GLYR1: variants seen among roughly 807,000 people sequenced by gnomAD.
GLYR1 encodes the protein cytokine-like nuclear factor N-PAC.
Under a neutral mutation model 72.7 loss-of-function variants are expected in GLYR1, and 21 were observed. That is an observed-to-expected ratio of 0.29 (90% CI 0.20 to 0.42). The LOEUF (loss-of-function observed/expected upper bound fraction) is 0.42. Among genes scored for constraint, GLYR1 ranks in the 10% least tolerant of loss-of-function variants. GLYR1 has a pLI of 1.00. For missense variants in GLYR1, 594 were observed against 712.1 expected (o/e 0.83, Z 1.89); for synonymous variants, 392 against 270.2 (o/e 1.45, Z -4.42).
rs772803387 is a variant in GLYR1, at chr16:4,832,807, T to G, written c.261A>C (p.Glu87Asp). The change falls in exon 4 of 16, where the codon GAA becomes GAC. Residue 87 changes from glutamate (E) to aspartate (D), a missense_variant. Physicochemically the swap from Glu to Asp is conservative, Grantham distance 45 (BLOSUM62 2). This residue lies in a region of GLYR1 where 252 missense variants were observed against 211.3 expected (regional missense o/e 1.19). Transcript: ENST00000321919. The part of the protein sequence containing the change: ...KRFQQAVDAV[E>D]EFLRRAKGKD... ...TCCCTTTGGCTCTCCTGAGGAACTCTTCGACAGCATCTACCGCTTGCTGGA... is the reference window on the plus strand; with the variant it reads ...TCCCTTTGGCTCTCCTGAGGAACTCGTCGACAGCATCTACCGCTTGCTGGA... The G allele has an allele frequency of 6.2e-7, 1 of 1,613,398 alleles. No homozygotes were observed. The highest frequency in any genetic ancestry group is 2.2e-5 in the East Asian group (1 of 44,860).
intron 2 of GLYR1, among the ~76,000 whole-genome samples, chr16:4,845,388 T>C (rs1203252925): frequency 6.6e-6 from 1 of 152,232 alleles, no homozygotes; most frequent in African/African-American, 2.4e-5. Flanking sequence ...GTTCCCAATA[T>C]TTAACATGTA....
At chr16:4,845,253 G>A (rs1420467761) in intron 2 of GLYR1, 100 bp from the exon 3 acceptor site, 4 of 772,644 alleles carry the variant, frequency 5.2e-6, no homozygotes, top group East Asian at 2.5e-5. Flanking sequence ...TAAGAAAAAA[G>A]TAAATTAAAA....
chr16:4,846,120 T>C lies in GLYR1; in HGVS notation c.75+54A>G, dbSNP rs2086026799. Reference sequence around the variant, plus strand: ...ACTGAGAGGAATGCATCTTACATTCTCCACCTCTTCAAACCCAACTTCAGA... The same window carrying C: ...ACTGAGAGGAATGCATCTTACATTCCCCACCTCTTCAAACCCAACTTCAGA... On this transcript the variant is annotated intron_variant, in intron 2 of 15. Transcript: ENST00000321919. 4 of 1,580,946 alleles carry C rather than the reference T, an allele frequency of 2.5e-6. No homozygotes were observed. In the Admixed American group the frequency reaches 6.7e-5, roughly 26 times the overall value.
chr16:4,805,732 C>G (rs1298165254), intron 15 of GLYR1, among the ~76,000 whole-genome samples: 1 of 152,078 alleles, frequency 6.6e-6, no homozygotes, highest in African/African-American at 2.4e-5. Flanking sequence ...AATCCCAGCA[C>G]TTTAGGAGGC....
chr16:4,826,026 G>C (rs899648348), intron 5 of GLYR1, among the ~76,000 whole-genome samples: 2 of 152,032 alleles, frequency 1.3e-5, no homozygotes, highest in Admixed American at 6.6e-5. Context: ...AGGTCACCGA[G>C]TCAGTCACTG....
chr16:4,832,335 T>G (rs1396838544), intron 4 of GLYR1, 114 bp from the exon 5 acceptor site: 6 of 1,264,676 alleles, frequency 4.7e-6, no homozygotes, highest in Non-Finnish European at 6.6e-6. Flanking sequence ...CTCCTCACAA[T>G]GACCCTAGAA....
intron 3 of GLYR1, among the ~76,000 whole-genome samples, chr16:4,834,207 A>G (rs1463895873): frequency 3.3e-5 from 5 of 152,020 alleles, no homozygotes. Flanking sequence ...ACTATCAGGC[A>G]TGCCACCATG....
At position 4,811,166 on chromosome 16, in the gene GLYR1, C is replaced by T. The variant is rs1596309655; in HGVS notation, c.1587+4G>A. 4 of 1,613,432 alleles carry T rather than the reference C, an allele frequency of 2.5e-6. No individual in the cohort carries two copies. The highest frequency in any genetic ancestry group is 3.4e-6 in the Non-Finnish European group (4 of 1,179,928). On this transcript the variant is annotated splice_donor_region_variant and intron_variant, in intron 15 of 15. Coordinates refer to ENST00000321919, the MANE Select transcript of GLYR1 (RefSeq NM_032569.4). ...CCTTGGGGCTTGGGCCACATCTACC[C>T]TACCTCATTTGCTGCAGCTGCCATG...
Position 4,805,220 on chromosome 16 carries a change from G to T in GLYR1, c.*16C>A. 6.2e-7 allele frequency: 1 copy of T among 1,612,234 alleles called. No individual in the cohort carries two copies. Among genetic ancestry groups the T allele is most frequent in the Non-Finnish European group, 8.5e-7 (1 of 1,178,598 alleles). On this transcript the variant is annotated 3_prime_UTR_variant, in exon 16 of 16. Transcript: ENST00000321919. The stretch of plus-strand genomic sequence containing the variant: ...CAGAGGGGGGATTGGAGGGGTGAGG[G>T]CGGGGTGTCGACAGCTTAGTGTATG...
chr16:4,842,168 C>A (rs920013117), intron 3 of GLYR1, among the ~76,000 whole-genome samples: 1 of 150,320 alleles, frequency 6.7e-6, no homozygotes, highest in African/African-American at 2.4e-5. Context: ...GGCATGAACC[C>A]GGGAGGTGGA....
At chr16:4,831,642 G>C (rs2084805435) in intron 5 of GLYR1, among the ~76,000 whole-genome samples, 1 of 152,194 alleles carries the variant, frequency 6.6e-6, no homozygotes, top group African/African-American at 2.4e-5. Context: ...TCCAGGCCGT[G>C]TCTCTCACCT....
chr16:4,834,999 C>G (rs537919830), intron 3 of GLYR1, among the ~76,000 whole-genome samples: 1 of 152,258 alleles, frequency 6.6e-6, no homozygotes, highest in East Asian at 1.9e-4. Flanking sequence ...ACCCGTGGGT[C>G]TGAGATGACA....
chr16:4,817,773 G>A (rs2083743731), intron 9 of GLYR1, 76 bp from the exon 10 acceptor site: 1 of 923,124 alleles, frequency 1.1e-6, no homozygotes, highest in African/African-American at 1.6e-5. Flanking sequence ...GCAGCACAAG[G>A]CTCGCTCCCT....
Position 4,821,159 on chromosome 16 carries a change from C to CA in GLYR1, c.806+220dup, listed in dbSNP as rs1159415370. 37 of 589,804 alleles carry CA rather than the reference C, an allele frequency of 6.3e-5. No individual in the cohort carries two copies. The East Asian group carries it at 8.4e-4, about 13-fold the overall frequency. The allele number at this position is 589,804 out of a possible 1,614,324, so 36.5% of individuals were successfully genotyped here. ...GCTCCTTGCTCTTGAGTTCTGGAGC[C>CA]AAAAAAATCCCTCAGCTTATGCCCA... On this transcript the variant is annotated intron_variant, in intron 9 of 15. Coordinates refer to ENST00000321919, the MANE Select transcript of GLYR1 (RefSeq NM_032569.4).
rs1425828602 is a variant in GLYR1 at position 4,824,816 on chromosome 16, T to C, written c.538-909A>G. On this transcript the variant is annotated intron_variant, in intron 5 of 15. Transcript: ENST00000321919. The stretch of plus-strand genomic sequence containing the variant: ...CCTCTCGACTGCTCTGATGTTACCT[T>C]GCACTCCCTTTCCCCAGTCACTCCC... Among the ~76,000 whole-genome samples the C allele has an allele frequency of 1.1e-4, 17 of 152,314 alleles. No homozygotes were observed. The East Asian group carries it at 2.7e-3, about 24-fold the overall frequency.
intron 5 of GLYR1, 106 bp from the exon 6 acceptor site, chr16:4,824,013 G>A (rs2084218966): frequency 1.3e-6 from 1 of 797,968 alleles, no homozygotes; most frequent in Non-Finnish European, 2.1e-6. Context: ...CCCAACCACT[G>A]TTCTGATGAC....
intron 4 of GLYR1, 198 bp from the exon 5 acceptor site, chr16:4,832,419 T>A: frequency 1.5e-6 from 1 of 660,990 alleles, no homozygotes; most frequent in South Asian, 2.0e-5. Context: ...TCACTTTCCC[T>A]ATGTCCCAAA....
chr16:4,843,202 T>G lies in GLYR1; in HGVS notation c.155+1872A>C, dbSNP rs558076280. ...TCTTTTCTGAGACATAGTCTCAGTC[T>G]GTCACCCATGCTGGAGTGCAGGGTC... On this transcript the variant is annotated intron_variant, in intron 3 of 15. Coordinates refer to ENST00000321919, the MANE Select transcript of GLYR1 (RefSeq NM_032569.4). Among the ~76,000 whole-genome samples, 31 of 152,356 alleles carry G rather than the reference T, an allele frequency of 2.0e-4. No homozygotes were observed. In the East Asian group the frequency reaches 6.0e-3, roughly 29 times the overall value.
chr16:4,846,386 A>C (rs2142067505), intron 1 of GLYR1, among the ~76,000 whole-genome samples, 176 bp from the exon 2 acceptor site: 1 of 152,374 alleles, frequency 6.6e-6, no homozygotes, highest in East Asian at 1.9e-4. Flanking sequence ...TTGTATACTT[A>C]TGTGCACAAC....
Sources: allele counts gnomAD v4.1 joint callset (sites outside exome capture counted in the v4.1 genomes callset), GRCh38; gene constraint gnomAD v4.1.1; regional missense constraint gnomAD v4.1.1; transcripts MANE v1.5; gene names NCBI Gene and HGNC (gene_info 2026-07-23, HGNC 2026-07-21).